RDH12: variants seen among roughly 807,000 people sequenced by gnomAD.
RDH12 encodes the protein retinol dehydrogenase 12, also known as all-trans and 9-cis retinol dehydrogenase.
A neutral mutation model predicts 34.0 loss-of-function variants in RDH12; 21 were observed. The ratio of observed to expected loss-of-function variants is 0.62; its 90% CI spans 0.44 to 0.89. RDH12 has a LOEUF of 0.89. Among genes scored for constraint, RDH12 ranks in the 40% least tolerant of loss-of-function variants. The pLI is 0.00. For missense variants in RDH12, 394 were observed against 398.6 expected (o/e 0.99, Z 0.10); for synonymous variants, 198 against 169.9 (o/e 1.17, Z -1.29).
At chr14:67,702,927 C>G (rs2037914809) in intron 1 of RDH12, among the ~76,000 whole-genome samples, 1 of 152,214 alleles carries the variant, frequency 6.6e-6, no homozygotes, top group Non-Finnish European at 1.5e-5. Flanking sequence ...GATTCTCCCA[C>G]CTCAGCCTCC....
At chr14:67,722,321 G>A in intron 2 of RDH12, 103 bp from the exon 3 acceptor site, 1 of 449,552 alleles carries the variant, frequency 2.2e-6, no homozygotes, top group Non-Finnish European at 4.1e-6. Context: ...AGAAACAATT[G>A]AGGATGGGGG....
intron 1 of RDH12, among the ~76,000 whole-genome samples, chr14:67,704,132 C>T (rs1478241501): frequency 1.3e-5 from 2 of 151,760 alleles, no homozygotes; most frequent in Non-Finnish European, 2.9e-5. Flanking sequence ...AATATATTTC[C>T]CCCTTTTGAG....
chr14:67,731,278 G>C (rs555689735), intron 8 of RDH12, among the ~76,000 whole-genome samples: 62 of 130,440 alleles, frequency 4.8e-4, no homozygotes, highest in African/African-American at 1.5e-3. Flanking sequence ...GCAATGGCAT[G>C]ATCTTGGCTC....
At chr14:67,733,027 C>T (rs1033188577) in intron 8 of RDH12, among the ~76,000 whole-genome samples, 3 of 152,072 alleles carry the variant, frequency 2.0e-5, no homozygotes, top group South Asian at 2.1e-4. Flanking sequence ...TGCTAAATGA[C>T]GAGTTCATGG....
chr14:67,720,983 T>C (rs2009590), intron 2 of RDH12, 81 bp downstream of exon 2: 13,716 of 152,244 alleles, frequency 0.09, 880 homozygotes, highest in East Asian at 0.23. Context: ...TCACTCCTTG[T>C]TCTGTTGGTC....
rs543848850 is a variant in RDH12, at chr14:67,709,865, A to G, written c.-275+7930A>G. 1.7e-4 allele frequency among the ~76,000 whole-genome samples: 26 copies of G among 152,326 alleles called. No individual in the cohort carries two copies. The South Asian group carries it at 4.8e-3, about 28-fold the overall frequency. ...AAAGGAAATATCTTGGGCCCCCAAAATCACTAAGGAAATCTCAAGCTGGAA... is the reference window on the plus strand; with the variant it reads ...AAAGGAAATATCTTGGGCCCCCAAAGTCACTAAGGAAATCTCAAGCTGGAA... On this transcript the variant is annotated intron_variant, in intron 1 of 8. Transcript: ENST00000551171.
At chr14:67,720,799 T>C (rs2038115996) in intron 1 of RDH12, 49 bp from the exon 2 acceptor site, 1 of 152,242 alleles carries the variant, frequency 6.6e-6, no homozygotes, top group Non-Finnish European at 1.5e-5. Flanking sequence ...TGTTTGTGTA[T>C]TTTCATAATT....
At chr14:67,711,127 G>T (rs908918755) in intron 1 of RDH12, among the ~76,000 whole-genome samples, 1 of 152,112 alleles carries the variant, frequency 6.6e-6, no homozygotes, top group Non-Finnish European at 1.5e-5. Flanking sequence ...TACTTCCTGT[G>T]GACTAGACCA....
chr14:67,721,904 C>T (rs2038128889), intron 2 of RDH12, among the ~76,000 whole-genome samples: 1 of 152,100 alleles, frequency 6.6e-6, no homozygotes, highest in African/African-American at 2.4e-5. Flanking sequence ...CGCTAGAGTC[C>T]ATGCACTTAA....
intron 7 of RDH12, chr14:67,728,277 T>G (rs1204951132): frequency 2.6e-5 from 4 of 152,172 alleles, no homozygotes; most frequent in African/African-American, 9.7e-5. Flanking sequence ...CAATAATAAT[T>G]GAGAGGTTTA....
At chr14:67,725,299 G>T (rs2038172648) in intron 5 of RDH12, 45 bp downstream of exon 5, 2 of 1,601,938 alleles carry the variant, frequency 1.2e-6, no homozygotes, top group Admixed American at 3.4e-5. Flanking sequence ...ATTGGGTATG[G>T]GAGTGGCTGC....
chr14:67,719,444 A>G (rs2038100276), intron 1 of RDH12, among the ~76,000 whole-genome samples: 1 of 152,174 alleles, frequency 6.6e-6, no homozygotes, highest in South Asian at 2.1e-4. Context: ...GCAGGTTATC[A>G]GGGTCTTTTT....
intron 3 of RDH12, among the ~76,000 whole-genome samples, chr14:67,723,849 G>A (rs1343197223): frequency 2.0e-5 from 3 of 152,248 alleles, no homozygotes; most frequent in Non-Finnish European, 2.9e-5. Flanking sequence ...AGTGCTCTCT[G>A]CACAGAGGTC....
At chr14:67,720,037 A>T (rs2038105980) in intron 1 of RDH12, among the ~76,000 whole-genome samples, 1 of 151,862 alleles carries the variant, frequency 6.6e-6, no homozygotes. Context: ...TTAACAATGG[A>T]CTCTCCCACG....
At chr14:67,720,280 C>T (rs1299002168) in intron 1 of RDH12, among the ~76,000 whole-genome samples, 1 of 150,544 alleles carries the variant, frequency 6.6e-6, no homozygotes, top group Non-Finnish European at 1.5e-5. Context: ...TCTACTAAAT[C>T]AATTAGTCTC....
At chr14:67,702,121 T>A (rs11629160) in intron 1 of RDH12, among the ~76,000 whole-genome samples, 186 bp downstream of exon 1, 68,135 of 151,692 alleles carry the variant, frequency 0.45, 17,847 homozygotes, top group Non-Finnish European at 0.61. Context: ...CCAGCTTTTT[T>A]AAAAATTTAA....
At chr14:67,718,088 CA>C (rs548243812) in intron 1 of RDH12, among the ~76,000 whole-genome samples, 71 of 152,144 alleles carry the variant, frequency 4.7e-4, no homozygotes, top group Non-Finnish European at 7.4e-4. Flanking sequence ...AAAACAAATA[CA>C]AAAAAATGTG....
At chr14:67,727,332 TA>T (rs1765673288) in intron 7 of RDH12, 142 bp downstream of exon 7, 3 of 748,732 alleles carry the variant, frequency 4.0e-6, no homozygotes, top group Non-Finnish European at 6.9e-6. Flanking sequence ...ATGAATGGAA[TA>T]AAAACAGAGT....
intron 1 of RDH12, among the ~76,000 whole-genome samples, chr14:67,702,410 C>A (rs2140099635): frequency 6.6e-6 from 1 of 151,958 alleles, no homozygotes; most frequent in African/African-American, 2.4e-5. Context: ...TTTCTTAAAC[C>A]AACAATATTA....
Sources: gnomAD v4.1 joint callset for allele counts (sites outside exome capture counted in the v4.1 genomes callset) on GRCh38, gnomAD v4.1.1 for gene constraint, MANE v1.5 for transcripts, NCBI Gene and HGNC (gene_info 2026-07-23, HGNC 2026-07-21) for gene names.